The following AVEN variants were observed in gnomAD, a reference collection of about 807,000 sequenced individuals.
AVEN encodes apoptosis and caspase activation inhibitor.
In AVEN, 41 loss-of-function variants were observed where a neutral mutation model predicts 38.1. The observed-to-expected ratio is 1.08, with a 90% CI of 0.84 to 1.40. The LOEUF (loss-of-function observed/expected upper bound fraction) is 1.40. AVEN is among the 40% of genes most tolerant of loss of function. AVEN has a pLI of 0.00. For missense variants in AVEN, 605 were observed against 438.8 expected (o/e 1.38, Z -3.38); for synonymous variants, 206 against 171.8 (o/e 1.20, Z -1.56).
intron 5 of AVEN, 88 bp from the exon 6 acceptor site, chr15:33,866,816 C>G: frequency 2.3e-6 from 2 of 880,020 alleles, no homozygotes; most frequent in South Asian, 3.1e-5. Context: ...TTCCTTACAA[C>G]AAGGGGAAAC....
chr15:33,891,522 T>C (rs143382569), intron 2 of AVEN, among the ~76,000 whole-genome samples: 1,582 of 152,230 alleles, frequency 0.01, 33 homozygotes, highest in African/African-American at 0.035. Context: ...AGAATGATGG[T>C]TTCCAGCTTC....
chr15:34,065,419 G>A (rs1448184566), intron 4 of AVEN: 2 of 152,172 alleles, frequency 1.3e-5, no homozygotes, highest in Non-Finnish European at 2.9e-5. Context: ...CAAGACGCAA[G>A]CAGGTCAGCT....
chr15:33,909,609 T>C (rs1167921991), intron 2 of AVEN, among the ~76,000 whole-genome samples: 1 of 152,194 alleles, frequency 6.6e-6, no homozygotes, highest in African/African-American at 2.4e-5. Flanking sequence ...GCTTTCGAAG[T>C]AAAAGAATCC....
chr15:33,907,852 G>GA (rs1464016583), intron 2 of AVEN, among the ~76,000 whole-genome samples: 1 of 148,160 alleles, frequency 6.7e-6, no homozygotes, highest in Non-Finnish European at 1.5e-5. Flanking sequence ...AGTGCTAGAA[G>GA]AAAAAAATGG....
At chr15:34,064,399 T>C in intron 4 of AVEN, 1 of 1,441,440 alleles carries the variant, frequency 6.9e-7, no homozygotes, top group Non-Finnish European at 9.2e-7. Context: ...GTTTGTATAT[T>C]TTCAAAAAGA....
intron 2 of AVEN, among the ~76,000 whole-genome samples, chr15:33,961,588 C>T (rs909848266): frequency 3.8e-4 from 57 of 151,746 alleles, no homozygotes; most frequent in Middle Eastern, 3.4e-3. Context: ...CCAAGGTGGG[C>T]GAATCACGAG....
At chr15:34,052,238 G>GA (rs369505121) in intron 5 of AVEN, among the ~76,000 whole-genome samples, 2,422 of 151,256 alleles carry the variant, frequency 0.016, 55 homozygotes, top group African/African-American at 0.046. Flanking sequence ...CAGAACTAAA[G>GA]AAAAAAAACC....
intron 3 of AVEN, among the ~76,000 whole-genome samples, 197 bp downstream of exon 3, chr15:33,875,728 G>C (rs1474031937): frequency 6.6e-6 from 1 of 152,168 alleles, no homozygotes. Context: ...CAGATGGCCA[G>C]GTAGAAAGGT....
At chr15:34,034,244 A>C (rs1359903067) in intron 1 of AVEN, among the ~76,000 whole-genome samples, 4 of 152,044 alleles carry the variant, frequency 2.6e-5, no homozygotes, top group African/African-American at 9.7e-5. Context: ...GGAGTTTGAG[A>C]CCAGCCTGGG....
chr15:33,972,246 G>C (rs1432718220), intron 2 of AVEN: 1 of 152,034 alleles, frequency 6.6e-6, no homozygotes, highest in African/African-American at 2.4e-5. Context: ...AGTCATGAAA[G>C]AGGCCCCTAG....
chr15:33,987,026 C>A (rs1896506234), intron 2 of AVEN, among the ~76,000 whole-genome samples: 1 of 152,232 alleles, frequency 6.6e-6, no homozygotes, highest in East Asian at 1.9e-4. Context: ...ATTCTCACCA[C>A]AGGTTATGAA....
chr15:33,859,530 A>G, intron 11 of AVEN: 1 of 1,608,138 alleles, frequency 6.2e-7, no homozygotes, highest in Non-Finnish European at 8.5e-7. Context: ...TGCTAAAAAC[A>G]GAACTGTGAC....
chr15:33,874,352 C>T (rs1891133701), intron 3 of AVEN, among the ~76,000 whole-genome samples: 1 of 152,222 alleles, frequency 6.6e-6, no homozygotes, highest in East Asian at 1.9e-4. Context: ...CCACACCTGC[C>T]CCTGAGGCCT....
chr15:34,042,423 G>A (rs527997586), upstream of AVEN, among the ~76,000 whole-genome samples: 32 of 135,722 alleles, frequency 2.4e-4, no homozygotes, highest in African/African-American at 8.1e-4. Context: ...TTTTTGAGAC[G>A]GAGTTTCGCA....
chr15:33,875,010 G>A (rs1891160134), intron 3 of AVEN, among the ~76,000 whole-genome samples: 1 of 152,120 alleles, frequency 6.6e-6, no homozygotes, highest in African/African-American at 2.4e-5. Flanking sequence ...TATATAACAC[G>A]TTCTTTGTAA....
intron 2 of AVEN, among the ~76,000 whole-genome samples, chr15:33,993,384 C>A (rs1018065899): frequency 2.0e-5 from 3 of 152,110 alleles, no homozygotes; most frequent in Admixed American, 6.6e-5. Context: ...TGACTTTGAA[C>A]AACCGTCCCC....
Position 34,068,120 on chromosome 15 carries a change from ATGTGTG to A in AVEN, n.785-1315_785-1310del, listed in dbSNP as rs4041440. Among the ~76,000 whole-genome samples the A allele has an allele frequency of 2.1e-3, 310 of 150,510 alleles. 1 individual carries two copies. Among genetic ancestry groups the A allele is most frequent in the Non-Finnish European group, 3.4e-3 (229 of 67,480 alleles). ...CCACATCTGTGCCTGCTCTCTCTGT[ATGTGTG>A]TGTGTGTGTGTGTGCACATTTTTTT... is the stretch of plus-strand genomic sequence containing the variant. On this transcript the variant is annotated intron_variant and non_coding_transcript_variant, in intron 2 of 11. Transcript: ENST00000675287.
At chr15:33,859,467 G>A (rs7180084) in intron 11 of AVEN, 5 of 1,275,756 alleles carry the variant, frequency 3.9e-6, no homozygotes, top group Non-Finnish European at 5.6e-6. Context: ...TTCCCCTCTC[G>A]TGGCTTAGGG....
chr15:33,865,261 T>G, downstream of AVEN: 1 of 1,471,038 alleles, frequency 6.8e-7, no homozygotes, highest in Non-Finnish European at 9.5e-7. Context: ...TTCTGGACAG[T>G]CAACTTCCCA....
Sources: allele counts gnomAD v4.1 joint callset (sites outside exome capture counted in the v4.1 genomes callset), GRCh38; gene constraint gnomAD v4.1.1; transcripts MANE v1.5; gene names NCBI Gene and HGNC (gene_info 2026-07-23, HGNC 2026-07-21).